The following ASAP2 variants were observed in gnomAD, a reference collection of about 807,000 sequenced individuals.
ASAP2 encodes the protein arf-GAP with SH3 domain, ANK repeat and PH domain-containing protein 2.
A neutral mutation model predicts 131.4 loss-of-function variants in ASAP2; 45 were observed. The observed-to-expected ratio is 0.34, with a 90% CI of 0.27 to 0.44. The LOEUF is 0.44. ASAP2 is among the 20% of genes least tolerant of loss of function. The pLI is 1.00. For missense variants in ASAP2, 1,011 were observed against 1,297.0 expected, an observed-to-expected ratio of 0.78 and a Z score of 3.39; for synonymous variants, 510 against 503.0, an observed-to-expected ratio of 1.01 and a Z score of -0.19.
intron 15 of ASAP2, among the ~76,000 whole-genome samples, chr2:9,367,731 C>T (rs1017212369): frequency 1.1e-4 from 16 of 152,160 alleles, no homozygotes; most frequent in Non-Finnish European, 1.3e-4. Flanking sequence ...CACTGCACTT[C>T]GGCCTGGGCA....
chr2:9,269,151 C>G (rs1666160968), intron 1 of ASAP2, among the ~76,000 whole-genome samples: 2 of 151,164 alleles, frequency 1.3e-5, no homozygotes, highest in South Asian at 2.1e-4. Flanking sequence ...TGATAAATAT[C>G]TACAAATTTT....
intron 1 of ASAP2, among the ~76,000 whole-genome samples, chr2:9,270,821 C>T (rs1322359074): frequency 5.9e-5 from 4 of 67,848 alleles, no homozygotes; most frequent in African/African-American, 1.1e-4. Context: ...GAGACGGAGT[C>T]TCGCTCCGTC....
rs150919117 is a variant in ASAP2, at chr2:9,303,977, G to T, written c.345+6532G>T. On this transcript the variant is annotated intron_variant, in intron 3 of 27. Coordinates refer to ENST00000281419, the MANE Select transcript of ASAP2 (RefSeq NM_003887.3). The stretch of plus-strand genomic sequence containing the variant: ...TCCATGCGCTGGTGCTGTATGGGGC[G>T]GTGACCTCTGGCAACTCCTGCCTGG... Among the ~76,000 whole-genome samples, 11 of 152,302 alleles carry T rather than the reference G, an allele frequency of 7.2e-5. No homozygotes were observed. In the East Asian group the frequency reaches 2.1e-3, roughly 29 times the overall value.
rs1187120894 is a variant in ASAP2, at chr2:9,404,728, C to T, written c.*1401C>T. 1 of 144,684 alleles carries T rather than the reference C, an allele frequency of 6.9e-6. No homozygotes were observed. Among genetic ancestry groups the T allele is most frequent in the Non-Finnish European group, 1.5e-5 (1 of 67,422 alleles). The allele number at this position is 144,684 out of a possible 1,614,324, so 9.0% of individuals were successfully genotyped here. On this transcript the variant is annotated 3_prime_UTR_variant, in exon 28 of 28. Transcript: ENST00000281419. ...AGCAGCTTGTCTTTATTATGCAAGA[C>T]TGTGTAGAGTTTTTTTTTTTTTTGG...
intron 2 of ASAP2, among the ~76,000 whole-genome samples, chr2:9,290,980 A>G (rs1667772445): frequency 2.0e-5 from 3 of 152,110 alleles, no homozygotes; most frequent in East Asian, 1.9e-4. Flanking sequence ...TATCTTTTCA[A>G]CCTCCTCTCT....
chr2:9,329,858 C>G (rs2148540316), intron 7 of ASAP2, among the ~76,000 whole-genome samples: 1 of 152,298 alleles, frequency 6.6e-6, no homozygotes, highest in South Asian at 2.1e-4. Context: ...TCTGTTCCTC[C>G]TAGGACCCAG....
intron 3 of ASAP2, among the ~76,000 whole-genome samples, chr2:9,305,942 G>A (rs1393518743): frequency 2.0e-5 from 3 of 151,156 alleles, no homozygotes; most frequent in African/African-American, 7.3e-5. Flanking sequence ...GGCTGTAATA[G>A]TGGGGTACAG....
chr2:9,269,968 C>T (rs145093182), intron 1 of ASAP2, among the ~76,000 whole-genome samples: 32 of 152,260 alleles, frequency 2.1e-4, no homozygotes, highest in African/African-American at 3.9e-4. Context: ...AGAGGCCCCT[C>T]GGTAACTTGA....
chr2:9,373,890 C>G (rs186317175), intron 16 of ASAP2, among the ~76,000 whole-genome samples: 4 of 152,308 alleles, frequency 2.6e-5, no homozygotes, highest in South Asian at 4.1e-4. Flanking sequence ...GCTGCTGTTT[C>G]GCTCTCCCTC....
In ASAP2 at chr2:9,340,537, G is replaced by T. The variant is rs142975974; in HGVS notation, c.850-3995G>T. ...CATGGCTCAGTGCTTGGCTCAGCAA[G>T]GCTTCCAGCTCCCAGTTGTGCCCAT... On this transcript the variant is annotated intron_variant, in intron 9 of 27. Coordinates refer to ENST00000281419, the MANE Select transcript of ASAP2 (RefSeq NM_003887.3). Among the ~76,000 whole-genome samples the T allele has an allele frequency of 1.3e-3, 196 of 152,328 alleles. 1 individual carries two copies. Among genetic ancestry groups the T allele is most frequent in the African/African-American group, 4.2e-3 (173 of 41,572 alleles).
chr2:9,360,598 G>A (rs1237967325), intron 15 of ASAP2, among the ~76,000 whole-genome samples: 1 of 152,140 alleles, frequency 6.6e-6, no homozygotes, highest in Non-Finnish European at 1.5e-5. Flanking sequence ...TGTTCTCATG[G>A]TGTAAATACT....
chr2:9,295,037 A>G lies in ASAP2; in HGVS notation c.200-2263A>G, dbSNP rs149824074. ...AATTTTGAGATAGTTTAAAAATAGTATGTGGTTTGAAAGGACCTATCCTTC... is the reference window on the plus strand; with the variant it reads ...AATTTTGAGATAGTTTAAAAATAGTGTGTGGTTTGAAAGGACCTATCCTTC... On this transcript the variant is annotated intron_variant, in intron 2 of 27. Coordinates refer to ENST00000281419, the MANE Select transcript of ASAP2 (RefSeq NM_003887.3). Among the ~76,000 whole-genome samples the G allele has an allele frequency of 1.2e-4, 19 of 152,348 alleles. No individual in the cohort carries two copies. The East Asian group carries it at 3.5e-3, about 28-fold the overall frequency.
At chr2:9,243,259 C>T (rs1254883844) in intron 1 of ASAP2, among the ~76,000 whole-genome samples, 1 of 152,172 alleles carries the variant, frequency 6.6e-6, no homozygotes, top group Non-Finnish European at 1.5e-5. Flanking sequence ...CAGGCACCCG[C>T]CACCACGCCC....
intron 1 of ASAP2, among the ~76,000 whole-genome samples, chr2:9,261,282 A>G (rs372748901): frequency 8.5e-5 from 13 of 152,194 alleles, no homozygotes; most frequent in African/African-American, 2.9e-4. Context: ...GGGGGAGCAC[A>G]GCTCTGGAAG....
intron 11 of ASAP2, among the ~76,000 whole-genome samples, chr2:9,345,817 C>T (rs1671928124): frequency 6.6e-6 from 1 of 152,074 alleles, no homozygotes; most frequent in Non-Finnish European, 1.5e-5. Flanking sequence ...AACATGGGGT[C>T]CAGAGAAACG....
chr2:9,257,910 G>A (rs139764290), intron 1 of ASAP2, among the ~76,000 whole-genome samples: 106 of 152,280 alleles, frequency 7.0e-4, no homozygotes, highest in African/African-American at 2.5e-3. Context: ...AAATACCTTT[G>A]TGAGTGTTAC....
chr2:9,330,824 G>A (rs75171306), intron 7 of ASAP2, among the ~76,000 whole-genome samples: 2,034 of 152,314 alleles, frequency 0.013, 35 homozygotes, highest in African/African-American at 0.046. Flanking sequence ...CAGACCACTT[G>A]TGGAAAAGTG....
chr2:9,214,260 T>C (rs574217559), intron 1 of ASAP2, among the ~76,000 whole-genome samples: 1 of 152,246 alleles, frequency 6.6e-6, no homozygotes, highest in East Asian at 1.9e-4. Context: ...TTGTTTGAGG[T>C]GGAGTCTTGC....
intron 2 of ASAP2, among the ~76,000 whole-genome samples, chr2:9,287,882 A>G (rs1667569290): frequency 6.6e-6 from 1 of 152,174 alleles, no homozygotes; most frequent in Non-Finnish European, 1.5e-5. Flanking sequence ...CCTCTGAAGG[A>G]ACACAGAGGT....
Sources: gnomAD v4.1 joint callset for allele counts (sites outside exome capture counted in the v4.1 genomes callset) on GRCh38, gnomAD v4.1.1 for gene constraint, MANE v1.5 for transcripts, NCBI Gene and HGNC (gene_info 2026-07-23, HGNC 2026-07-21) for gene names.